PSD: variants seen among roughly 807,000 people sequenced by gnomAD.
The protein encoded by PSD is PH and SEC7 domain-containing protein 1.
In PSD, 32 loss-of-function variants were observed where a neutral mutation model predicts 91.6. The ratio of observed to expected loss-of-function variants is 0.35; its 90% CI spans 0.26 to 0.47. PSD has a LOEUF of 0.47. Ranked by LOEUF, PSD falls within the 20% of genes least tolerant of loss-of-function variation. The probability of loss-of-function intolerance (pLI) is 1.00; values close to 1 mark genes in which losing one functional copy is unlikely to be tolerated. For missense variants in PSD, 1,099 were observed against 1,373.9 expected (o/e 0.80, Z 3.16); for synonymous variants, 532 against 569.3 (o/e 0.93, Z 0.93).
intron 5 of PSD, 44 bp from the exon 6 acceptor site, chr10:102,412,619 G>T: frequency 6.4e-7 from 1 of 1,554,698 alleles, no homozygotes; most frequent in Non-Finnish European, 8.7e-7. Context: ...AGGGTCCTTA[G>T]GAGCCATCCA....
In PSD at chr10:102,415,271, T is replaced by C. The variant is rs746095938; in HGVS notation, c.758-42A>G. The C allele has an allele frequency of 3.2e-6, 5 of 1,547,208 alleles. No homozygotes were observed. In the East Asian group the frequency reaches 1.1e-4, roughly 35 times the overall value. ...CATCCAGGTCAGGAGGTTATCCACGTCAGCTCCCTGTCCTAATTCTGCTCT... is the reference window on the plus strand; with the variant it reads ...CATCCAGGTCAGGAGGTTATCCACGCCAGCTCCCTGTCCTAATTCTGCTCT... On this transcript the variant is annotated intron_variant, in intron 3 of 16. Transcript: ENST00000020673.
chr10:102,407,229 C>A lies in PSD; in HGVS notation c.2129G>T (p.Trp710Leu). 1 of 1,603,552 alleles carries A rather than the reference C, an allele frequency of 6.2e-7. No individual in the cohort carries two copies. Among genetic ancestry groups the A allele is most frequent in the East Asian group, 2.3e-5 (1 of 43,952 alleles). ...ACGCAGCCCCGGGACTCACATGGCC[C>A]ACTGCAGCTTCTCATTCTTGATGGA... ...YSSIKNEKLQ[W>L]AIDEEELRRS... is the part of the protein sequence containing the mutation. Residue 710 changes from tryptophan (W) to leucine (L), a missense_variant, in exon 11 of 17, where the codon TGG becomes TTG. Physicochemically the swap from Trp to Leu is moderately conservative, Grantham distance 61 (BLOSUM62 -2). This residue lies in a region of PSD where 358 missense variants were observed against 426.5 expected (regional missense o/e 0.84). Coordinates refer to ENST00000020673, the MANE Select transcript of PSD (RefSeq NM_002779.5).
In PSD at chr10:102,405,631, G is replaced by T; in HGVS notation, c.2136-95C>A. The T allele has an allele frequency of 8.1e-7, 1 of 1,241,372 alleles. No homozygotes were observed. Among genetic ancestry groups the T allele is most frequent in the Non-Finnish European group, 1.1e-6 (1 of 906,220 alleles). 76.9% of individuals were successfully genotyped at this position (1,241,372 alleles called of 1,614,324 possible). A position where few individuals can be genotyped will look rare whatever the true frequency, so the allele number is the denominator to read the frequency against. ...CTCGCCCTGGAAAAGCTCCCCCAGT[G>T]TTTGTGGCTTGGGGGGCTCAACCTG... On this transcript the variant is annotated intron_variant, in intron 11 of 16. Coordinates refer to ENST00000020673, the MANE Select transcript of PSD (RefSeq NM_002779.5). This position sits in a 1 kb window ranked among gnomAD's most constrained non-coding sequence, Gnocchi z 5.4.
At position 102,405,911 on chromosome 10, in the gene PSD, G is replaced by A. The variant is rs990319694; in HGVS notation, c.2136-375C>T. 4.2e-5 allele frequency: 9 copies of A among 215,660 alleles called. No individual in the cohort carries two copies. Among genetic ancestry groups the A allele is most frequent in the Non-Finnish European group, 6.5e-5 (7 of 107,362 alleles). 13.4% of individuals were successfully genotyped at this position (215,660 alleles called of 1,614,324 possible). A position where few individuals can be genotyped will look rare whatever the true frequency, so the allele number is the denominator to read the frequency against. ...CCCCAGGCTTTGCTCACGGTTTGTG[G>A]GCTAAATGGTAGCAGATGGAAGAAG... On this transcript the variant is annotated intron_variant, in intron 11 of 16. Transcript: ENST00000020673. The surrounding 1 kb of genome is among the most constrained non-coding windows in gnomAD (Gnocchi z 5.4).
In PSD at chr10:102,411,692, C is replaced by T. The variant is rs1167978037; in HGVS notation, c.1942+15G>A. 6.2e-7 allele frequency: 1 copy of T among 1,604,606 alleles called. No homozygotes were observed. Among genetic ancestry groups the T allele is most frequent in the Admixed American group, 1.7e-5 (1 of 59,216 alleles). ...GTGGCCAGCTAAGGACACCCCTGCT[C>T]TCGGAACTCCTCACCCTCTGAGGAC... is the stretch of plus-strand genomic sequence containing the variant. On this transcript the variant is annotated intron_variant, in intron 8 of 16. Transcript: ENST00000020673.
At position 102,416,644 on chromosome 10, in the gene PSD, A is replaced by G; in HGVS notation, c.395T>C (p.Val132Ala). The G allele has an allele frequency of 6.2e-7, 1 of 1,607,766 alleles. No individual in the cohort carries two copies. Among genetic ancestry groups the G allele is most frequent in the Non-Finnish European group, 8.5e-7 (1 of 1,177,518 alleles). The change falls in exon 2 of 17, where the codon GTT becomes GCT. Residue 132 changes from valine to alanine, a missense_variant. Physicochemically the swap from Val to Ala is moderately conservative, Grantham distance 64. Coordinates refer to ENST00000020673, the MANE Select transcript of PSD (RefSeq NM_002779.5). This position sits in a 1 kb window ranked among gnomAD's most constrained non-coding sequence, Gnocchi z 6.0. Reference protein sequence around the residue: ...GLSRSWDLGGVSPPRPTPALG... With the variant: ...GLSRSWDLGGASPPRPTPALG... ...GGCTGGGGTGGGCCTGGGAGGAGAA[A>G]CCCCACCCAGATCCCAGCTCCGACT...
chr10:102,416,005 C>T lies in PSD; in HGVS notation c.757+12G>A, dbSNP rs898532673. On this transcript the variant is annotated intron_variant, in intron 3 of 16. Transcript: ENST00000020673. The surrounding 1 kb of genome is among the most constrained non-coding windows in gnomAD (Gnocchi z 6.0). Reference sequence around the variant, plus strand: ...CCTGCCCTGTTCTCCCTGCCTCAGTCCCAGGCCTTACCTGAGCTGGGGGGG... The same window carrying T: ...CCTGCCCTGTTCTCCCTGCCTCAGTTCCAGGCCTTACCTGAGCTGGGGGGG... 1 of 1,607,650 alleles carries T rather than the reference C, an allele frequency of 6.2e-7. No individual in the cohort carries two copies. The highest frequency in any genetic ancestry group is 1.6e-4 in the Middle Eastern group (1 of 6,068).
chr10:102,416,445 G>C lies in PSD; in HGVS notation c.594C>G (p.Gly198=), dbSNP rs779243165. ...AGAGTGTGGCCAGGCGCTCAGGGGG[G>C]CCCCCCAGCCCATTGGGGAGAGAGG... is the stretch of plus-strand genomic sequence containing the variant. The part of the protein sequence containing the change: ...LYSSLPNGLG[G]PPERLATLFG... Residue 198 remains glycine, a synonymous_variant, in exon 2 of 17, where the codon GGC becomes GGG. Coordinates refer to ENST00000020673, the MANE Select transcript of PSD (RefSeq NM_002779.5). This position sits in a 1 kb window ranked among gnomAD's most constrained non-coding sequence, Gnocchi z 6.0. 1.9e-6 allele frequency: 3 copies of C among 1,612,110 alleles called. No individual in the cohort carries two copies. The highest frequency in any genetic ancestry group is 2.2e-5 in the East Asian group (1 of 44,832).
rs751502934 is a variant in PSD at position 102,405,312 on chromosome 10, CT to C, written c.2326+33del. 2 of 1,608,092 alleles carry C rather than the reference CT, an allele frequency of 1.2e-6. No homozygotes were observed. Among genetic ancestry groups the C allele is most frequent in the Admixed American group, 1.7e-5 (1 of 59,986 alleles). On this transcript the variant is annotated intron_variant, in intron 12 of 16. Coordinates refer to ENST00000020673, the MANE Select transcript of PSD (RefSeq NM_002779.5). The surrounding 1 kb of genome is among the most constrained non-coding windows in gnomAD (Gnocchi z 5.4). The stretch of plus-strand genomic sequence containing the variant: ...GAACAGGCCCACTCCCATCCATCCC[CT>C]AGACGCCCGCCCCCCGCAACTCGGC...
rs573097564 is a variant in PSD at position 102,415,064 on chromosome 10, C to T, written c.923G>A (p.Arg308Gln). Residue 308 changes from arginine (R) to glutamine (Q), a missense_variant, in exon 4 of 17, where the codon CGG (arginine) becomes CAG (glutamine). Physicochemically the swap from Arg to Gln is conservative, Grantham distance 43 (BLOSUM62 1). Transcript: ENST00000020673. The part of the protein sequence containing the change: ...ETDIDEVLAE[R>Q]EEADSAIESQ... ...TTCGATGGCCGAGTCGGCCTCCTCC[C>T]GCTCAGCCAGCACCTCATCGATGTC... 10 of 1,614,058 alleles carry T rather than the reference C, an allele frequency of 6.2e-6. No homozygotes were observed. The highest frequency in any genetic ancestry group is 5.5e-5 in the South Asian group (5 of 91,080).
chr10:102,403,414 G>T lies in PSD; in HGVS notation c.2861C>A (p.Thr954Asn). 6.2e-7 allele frequency: 1 copy of T among 1,609,826 alleles called. No individual in the cohort carries two copies. The highest frequency in any genetic ancestry group is 8.5e-7 in the Non-Finnish European group (1 of 1,178,552). ...YLEFEKSRYS[T>N]YAALLRVKLK... is the part of the protein sequence containing the mutation. The stretch of plus-strand genomic sequence containing the variant: ...CTTGACCCGAAGCAGCGCTGCATAG[G>T]TGCTGTAGCGGGATTTCTGAGGCAG... The change falls in exon 17 of 17, where the codon ACC (threonine) becomes AAC (asparagine). Residue 954 changes from threonine (T) to asparagine (N), a missense_variant. Thr to Asn is a moderately conservative substitution (Grantham distance 65). Around this residue, in one of 3 missense-constraint regions of PSD, gnomAD observed 358 missense variants for 426.5 expected, o/e 0.84. Transcript: ENST00000020673. The surrounding 1 kb of genome is among the most constrained non-coding windows in gnomAD (Gnocchi z 6.7).
At chr10:102,419,902 C>G (rs1364545104), upstream of PSD, 2 of 250,872 alleles carry the variant, frequency 8.0e-6, no homozygotes, top group Non-Finnish European at 1.6e-5. This position sits in a 1 kb window ranked among gnomAD's most constrained non-coding sequence, Gnocchi z 4.8. Context: ...TGTCTCTCCC[C>G]GCTGCTAGCT....
chr10:102,411,730 T>G lies in PSD; in HGVS notation c.1919A>C (p.Asn640Thr). ...AHFSQRYFQC[N>T]PEALSSEDGA... ...ACCCTCTGAGGACAGGGCTTCAGGA[T>G]TGCACTGGAAGTATCGCTGGGAGAA... The change falls in exon 8 of 17, where the codon AAT (asparagine) becomes ACT (threonine). Residue 640 changes from asparagine to threonine, a missense_variant. This residue lies in a region of PSD where 110 missense variants were observed against 218.7 expected (regional missense o/e 0.50). Transcript: ENST00000020673. 1.2e-6 allele frequency: 2 copies of G among 1,613,572 alleles called. No individual in the cohort carries two copies. The highest frequency in any genetic ancestry group is 1.7e-6 in the Non-Finnish European group (2 of 1,179,792).
Position 102,409,381 on chromosome 10 carries a change from T to A in PSD, c.2091+1477A>T. 1.0e-6 allele frequency: 1 copy of A among 983,734 alleles called. No individual in the cohort carries two copies. Among genetic ancestry groups the A allele is most frequent in the Non-Finnish European group, 1.2e-6 (1 of 828,476 alleles). The allele number at this position is 983,734 out of a possible 1,614,324, so 60.9% of individuals were successfully genotyped here. A position where few individuals can be genotyped will look rare whatever the true frequency, so the allele number is the denominator to read the frequency against. On this transcript the variant is annotated intron_variant, in intron 10 of 16. Transcript: ENST00000020673. This position sits in a 1 kb window ranked among gnomAD's most constrained non-coding sequence, Gnocchi z 5.7. ...AGGCGCCCGATCGCGAAGGGGGCCC[T>A]CCCCGCGCGGCCACGGGGAGGAGCC...
At chr10:102,418,811 C>CCGAG (rs2061517875), upstream of PSD, 1 of 440,956 alleles carries the variant, frequency 2.3e-6, no homozygotes, top group Non-Finnish European at 4.5e-6. Context: ...GCCTCTCAGT[C>CCGAG]CCTCCCCCTA....
chr10:102,415,208 G>C lies in PSD; in HGVS notation c.779C>G (p.Ala260Gly), dbSNP rs373048001. Residue 260 changes from alanine to glycine, a missense_variant, in exon 4 of 17, where the codon GCC (alanine) becomes GGC (glycine). Ala to Gly is a moderately conservative substitution (Grantham distance 60). Transcript: ENST00000020673. ...PSSGAKPPEQAPPSPPGVGSR... is the reference protein window; with the variant it reads ...PSSGAKPPEQGPPSPPGVGSR... The stretch of plus-strand genomic sequence containing the variant: ...GCCCACCCCAGGTGGAGATGGGGGG[G>C]CCTGCTCTGGGGGCTTAGCACCTGT... 3.9e-5 allele frequency: 63 copies of C among 1,610,584 alleles called. No homozygotes were observed. Among genetic ancestry groups the C allele is most frequent in the Middle Eastern group, 3.3e-4 (2 of 6,054 alleles).
chr10:102,408,545 G>A (rs2061388071), intron 10 of PSD, among the ~76,000 whole-genome samples: 1 of 152,158 alleles, frequency 6.6e-6, no homozygotes, highest in Non-Finnish European at 1.5e-5. Context: ...AAGCGGAAGT[G>A]GCCACCAAGA....
chr10:102,415,166 C>G lies in PSD; in HGVS notation c.821G>C (p.Gly274Ala). The stretch of plus-strand genomic sequence containing the variant: ...CTTGGCTGCTCGCCCCACAGCCACC[C>G]CAGAGCCCTGCCTTGAGCCCACCCC... ...PPGVGSRQGSGVAVGRAAKYS... is the reference protein window; with the variant it reads ...PPGVGSRQGSAVAVGRAAKYS... Residue 274 changes from glycine (G) to alanine (A), a missense_variant, in exon 4 of 17, where the codon GGG (glycine) becomes GCG (alanine). This residue lies in a region of PSD where 631 missense variants were observed against 728.8 expected (regional missense o/e 0.87). Coordinates refer to ENST00000020673, the MANE Select transcript of PSD (RefSeq NM_002779.5). The G allele has an allele frequency of 6.2e-7, 1 of 1,613,318 alleles. No homozygotes were observed. Among genetic ancestry groups the G allele is most frequent in the African/African-American group, 1.3e-5 (1 of 75,060 alleles).
At chr10:102,412,082 G>T in intron 7 of PSD, 65 bp downstream of exon 7, 1 of 1,491,734 alleles carries the variant, frequency 6.7e-7, no homozygotes, top group Non-Finnish European at 9.4e-7. Context: ...CTCAAAGGAG[G>T]CATCCTGGGG....
Sources: gnomAD v4.1 joint callset for allele counts (sites outside exome capture counted in the v4.1 genomes callset) on GRCh38, gnomAD v4.1.1 for gene constraint, gnomAD v4.1.1 regional missense constraint, Gnocchi (gnomAD v3.1) non-coding constraint, MANE v1.5 for transcripts, NCBI Gene and HGNC (gene_info 2026-07-23, HGNC 2026-07-21) for gene names.